FOXN2: variants seen among roughly 807,000 people sequenced by gnomAD.
FOXN2 encodes the protein forkhead box protein N2.
A neutral mutation model predicts 41.2 loss-of-function variants in FOXN2; 19 were observed. The ratio of observed to expected loss-of-function variants is 0.46; its 90% CI spans 0.32 to 0.68. FOXN2 has a LOEUF of 0.68. Ranked by LOEUF, FOXN2 falls within the 30% of genes least tolerant of loss-of-function variation. The pLI, the probability that FOXN2 is intolerant of heterozygous loss-of-function variation, is 0.03. For synonymous variants in FOXN2, 195 were observed against 176.8 expected (o/e 1.10, Z -0.82); for missense variants, 587 against 509.4 (o/e 1.15, Z -1.47).
intron 5 of FOXN2, among the ~76,000 whole-genome samples, chr2:48,371,607 C>T (rs1489699992): frequency 6.6e-6 from 1 of 152,042 alleles, no homozygotes; most frequent in Non-Finnish European, 1.5e-5. Flanking sequence ...TTTGTAGTTC[C>T]ATACAACTTT....
At chr2:48,345,877 T>C (rs1446731564) in intron 2 of FOXN2, among the ~76,000 whole-genome samples, 1 of 152,180 alleles carries the variant, frequency 6.6e-6, no homozygotes, top group Non-Finnish European at 1.5e-5. Flanking sequence ...CTTTAAGTAA[T>C]AATAGCCACT....
At chr2:48,319,972 G>T (rs1034799096) in intron 1 of FOXN2, among the ~76,000 whole-genome samples, 1 of 151,598 alleles carries the variant, frequency 6.6e-6, no homozygotes, top group African/African-American at 2.4e-5. Flanking sequence ...GGTTAGTGTG[G>T]TTATTCTGGG....
At chr2:48,354,615 G>A (rs1671667418) in intron 3 of FOXN2, among the ~76,000 whole-genome samples, 2 of 152,206 alleles carry the variant, frequency 1.3e-5, no homozygotes, top group Admixed American at 1.3e-4. Context: ...AAAAAAAAGT[G>A]CTGTGCTGAT....
intron 3 of FOXN2, among the ~76,000 whole-genome samples, chr2:48,357,862 G>GA (rs200738115): frequency 0.016 from 1,845 of 113,636 alleles, 34 homozygotes; most frequent in African/African-American, 0.041. Context: ...GTCTTTTATT[G>GA]AAAAAAAAAA....
rs1396025229 is a variant in FOXN2 at position 48,378,403 on chromosome 2, A to G, written c.*2960A>G. ...ATATATATATTTTTTTCTTTTTGCT[A>G]CTTTCTGAGGCATTATGTAAAGGGC... On this transcript the variant is annotated 3_prime_UTR_variant, in exon 7 of 7. Transcript: ENST00000340553. The G allele has an allele frequency of 6.6e-6, 1 of 150,966 alleles. No individual in the cohort carries two copies. The highest frequency in any genetic ancestry group is 2.4e-5 in the African/African-American group (1 of 40,892). The allele number at this position is 150,966 out of a possible 1,614,324, so 9.4% of individuals were successfully genotyped here. A position where few individuals can be genotyped will look rare whatever the true frequency, so the allele number is the denominator to read the frequency against.
intron 2 of FOXN2, among the ~76,000 whole-genome samples, chr2:48,330,854 A>G (rs903297795): frequency 3.3e-5 from 5 of 152,216 alleles, no homozygotes; most frequent in Non-Finnish European, 7.3e-5. Flanking sequence ...AAGCTGGAGT[A>G]GTAGGGTCAA....
intron 5 of FOXN2, among the ~76,000 whole-genome samples, chr2:48,372,053 C>A (rs1272629672): frequency 6.6e-6 from 1 of 152,182 alleles, no homozygotes; most frequent in Non-Finnish European, 1.5e-5. Flanking sequence ...CTGGCTAGGG[C>A]TTCCAGTACT....
Position 48,346,632 on chromosome 2 carries a change from A to C in FOXN2, c.418A>C (p.Ser140Arg). 1.9e-6 allele frequency: 3 copies of C among 1,614,204 alleles called. No individual in the cohort carries two copies. Among genetic ancestry groups the C allele is most frequent in the Non-Finnish European group, 2.5e-6 (3 of 1,180,014 alleles). Residue 140 changes from serine to arginine, a missense_variant, in exon 3 of 7, where the codon AGC becomes CGC. Ser to Arg is a moderately radical substitution (Grantham distance 110, BLOSUM62 -1). Transcript: ENST00000340553. ...ATGTTTGCCTGTCAAAGAAATTTAT[A>C]GCTGGATTCTGGACCATTTTCCATA... is the stretch of plus-strand genomic sequence containing the variant. ...NKCLPVKEIY[S>R]WILDHFPYFA... is the part of the protein sequence containing the mutation.
intron 1 of FOXN2, among the ~76,000 whole-genome samples, chr2:48,317,248 A>T (rs1668977085): frequency 6.6e-6 from 1 of 152,046 alleles, no homozygotes; most frequent in Admixed American, 6.6e-5. Flanking sequence ...TAGGAGTTTG[A>T]GACCAGCCTG....
chr2:48,314,297 C>A (rs1400647098), upstream of FOXN2, among the ~76,000 whole-genome samples: 4 of 152,264 alleles, frequency 2.6e-5, no homozygotes, highest in Non-Finnish European at 5.9e-5. Context: ...CGCGCCTCCG[C>A]CGCACTCCTA....
chr2:48,356,097 C>G lies in FOXN2; in HGVS notation c.538-2950C>G, dbSNP rs535395389. On this transcript the variant is annotated intron_variant, in intron 3 of 6. Transcript: ENST00000340553. The stretch of plus-strand genomic sequence containing the variant: ...CAAGATCGTGCCACTGCATTCCATC[C>G]TGGATGACAGAGCAAGACTCTGTCT... Among the ~76,000 whole-genome samples the G allele has an allele frequency of 7.2e-5, 11 of 152,074 alleles. No individual in the cohort carries two copies. The East Asian group carries it at 2.1e-3, about 29-fold the overall frequency.
intron 2 of FOXN2, among the ~76,000 whole-genome samples, chr2:48,331,133 T>C (rs1271516176): frequency 6.6e-6 from 1 of 152,228 alleles, no homozygotes; most frequent in African/African-American, 2.4e-5. Flanking sequence ...ATTCAGTGAC[T>C]GGCTCAAGGG....
chr2:48,355,399 T>C (rs952087413), intron 3 of FOXN2, among the ~76,000 whole-genome samples: 1 of 152,160 alleles, frequency 6.6e-6, no homozygotes, highest in African/African-American at 2.4e-5. Context: ...AATGGTAATA[T>C]ATTGGCATAA....
At chr2:48,336,875 A>G (rs1287187962) in intron 2 of FOXN2, among the ~76,000 whole-genome samples, 1 of 152,048 alleles carries the variant, frequency 6.6e-6, no homozygotes, top group Non-Finnish European at 1.5e-5. Flanking sequence ...AGATGTTTTG[A>G]TACAGGTATG....
chr2:48,345,807 A>G (rs1671057385), intron 2 of FOXN2, among the ~76,000 whole-genome samples: 1 of 152,216 alleles, frequency 6.6e-6, no homozygotes, highest in South Asian at 2.1e-4. Context: ...TGTATATAGT[A>G]AAATCATAGA....
At chr2:48,317,696 C>G (rs1047150955) in intron 1 of FOXN2, among the ~76,000 whole-genome samples, 2 of 142,786 alleles carry the variant, frequency 1.4e-5, no homozygotes, top group African/African-American at 5.1e-5. Flanking sequence ...CAACCTCCAC[C>G]TCCCGGGTTC....
chr2:48,327,422 A>G (rs939526404), intron 1 of FOXN2, among the ~76,000 whole-genome samples: 8 of 151,864 alleles, frequency 5.3e-5, no homozygotes, highest in South Asian at 4.2e-4. Context: ...TTTAGAAAGT[A>G]TTACTTTCTA....
intron 5 of FOXN2, among the ~76,000 whole-genome samples, chr2:48,366,077 C>T (rs1023277979): frequency 3.3e-5 from 5 of 152,164 alleles, no homozygotes; most frequent in Non-Finnish European, 4.4e-5. Flanking sequence ...TATACTTTGG[C>T]TGGGCACAGT....
At chr2:48,345,894 T>G (rs1018750247) in intron 2 of FOXN2, among the ~76,000 whole-genome samples, 8 of 152,204 alleles carry the variant, frequency 5.3e-5, no homozygotes, top group African/African-American at 1.9e-4. Context: ...CACTTCCTAT[T>G]AGGTGATTAG....
Sources: allele counts gnomAD v4.1 joint callset (sites outside exome capture counted in the v4.1 genomes callset), GRCh38; gene constraint gnomAD v4.1.1; transcripts MANE v1.5; gene names NCBI Gene and HGNC (gene_info 2026-07-23, HGNC 2026-07-21).